SEM1: variants seen among roughly 807,000 people sequenced by gnomAD.
SEM1 encodes SEM1 26S proteasome subunit.
Under a neutral mutation model 12.7 loss-of-function variants are expected in SEM1, and 3 were observed. The observed-to-expected ratio is 0.24, with a 90% CI of 0.11 to 0.61. The LOEUF (loss-of-function observed/expected upper bound fraction) is 0.61, where lower values mean the gene tolerates loss of function less well. Among genes scored for constraint, SEM1 ranks in the 20% least tolerant of loss-of-function variants. SEM1 has a pLI of 0.88. For missense variants in SEM1, 59 were observed against 81.3 expected, an observed-to-expected ratio of 0.73 and a Z score of 1.06; for synonymous variants, 30 against 27.8, an observed-to-expected ratio of 1.08 and a Z score of -0.25.
chr7:96,543,446 T>C (rs956746681), intron 2 of SEM1, among the ~76,000 whole-genome samples: 1 of 151,894 alleles, frequency 6.6e-6, no homozygotes, highest in Non-Finnish European at 1.5e-5. Context: ...TGCTAACAGA[T>C]AAAGAAATAT....
intron 2 of SEM1, among the ~76,000 whole-genome samples, chr7:96,595,262 C>T (rs1189987319): frequency 6.6e-6 from 1 of 152,044 alleles, no homozygotes; most frequent in Non-Finnish European, 1.5e-5. Flanking sequence ...CCTGTAATCC[C>T]AGCACTTTAG....
intron 1 of SEM1, chr7:96,696,020 ATAG>A (rs1311881562): frequency 6.6e-6 from 1 of 152,022 alleles, no homozygotes; most frequent in Non-Finnish European, 1.5e-5. Flanking sequence ...TGTTATTTCA[ATAG>A]TTATTAAGTG....
intron 1 of SEM1, among the ~76,000 whole-genome samples, chr7:96,493,726 C>A (rs1803123149): frequency 6.6e-6 from 1 of 152,166 alleles, no homozygotes; most frequent in African/African-American, 2.4e-5. Context: ...TCCCTCTCAT[C>A]TGTGCAACAC....
intron 2 of SEM1, among the ~76,000 whole-genome samples, chr7:96,617,355 G>T (rs896434775): frequency 8.6e-5 from 13 of 151,990 alleles, no homozygotes; most frequent in African/African-American, 3.1e-4. Context: ...CTAGATCATT[G>T]TTGTGTAGAA....
chr7:96,627,381 CT>C (rs1480576354), intron 2 of SEM1, among the ~76,000 whole-genome samples: 1 of 151,482 alleles, frequency 6.6e-6, no homozygotes. Flanking sequence ...AGTTTTTCTT[CT>C]TCTTTGATGC....
intron 2 of SEM1, among the ~76,000 whole-genome samples, chr7:96,656,958 C>T (rs1022218292): frequency 6.6e-6 from 1 of 151,720 alleles, no homozygotes; most frequent in Non-Finnish European, 1.5e-5. Context: ...GTAGCTGTGA[C>T]TGTTAAAATG....
At chr7:96,685,816 A>G (rs1271815709), downstream of SEM1, among the ~76,000 whole-genome samples, 1 of 151,528 alleles carries the variant, frequency 6.6e-6, no homozygotes, top group Non-Finnish European at 1.5e-5. Flanking sequence ...ATTGATTACC[A>G]CCACTATATT....
chr7:96,632,658 G>A (rs566602687), intron 2 of SEM1, among the ~76,000 whole-genome samples: 3 of 151,910 alleles, frequency 2.0e-5, no homozygotes, highest in East Asian at 1.9e-4. Flanking sequence ...CCTATGTAAC[G>A]AACCTGCACA....
chr7:96,707,736 C>T (rs1790513896), intron 1 of SEM1, among the ~76,000 whole-genome samples: 2 of 152,132 alleles, frequency 1.3e-5, no homozygotes, highest in Non-Finnish European at 2.9e-5. Context: ...ACAAACTACA[C>T]TCGCAAAAGC....
intron 2 of SEM1, among the ~76,000 whole-genome samples, chr7:96,692,931 A>C (rs1485532770): frequency 6.6e-6 from 1 of 152,136 alleles, no homozygotes; most frequent in Non-Finnish European, 1.5e-5. Context: ...CAAAAGATGT[A>C]GTCAAAAATC....
chr7:96,627,634 C>G (rs1808115011), intron 2 of SEM1, among the ~76,000 whole-genome samples: 1 of 152,068 alleles, frequency 6.6e-6, no homozygotes, highest in South Asian at 2.1e-4. Context: ...AGAGAAGATG[C>G]TTGATATGAT....
chr7:96,562,345 G>T (rs1009765310), intron 2 of SEM1, among the ~76,000 whole-genome samples: 1 of 152,128 alleles, frequency 6.6e-6, no homozygotes. Flanking sequence ...TTAATATTTT[G>T]TGACTGTCTA....
intron 2 of SEM1, among the ~76,000 whole-genome samples, chr7:96,648,568 G>A (rs1398020499): frequency 1.3e-5 from 2 of 152,122 alleles, no homozygotes; most frequent in Non-Finnish European, 2.9e-5. Context: ...TATAGAAATC[G>A]CTATATATTT....
At chr7:96,519,540 AGGAAGAG>A (rs942636668) in intron 2 of SEM1, among the ~76,000 whole-genome samples, 1 of 152,064 alleles carries the variant, frequency 6.6e-6, no homozygotes, top group Non-Finnish European at 1.5e-5. Flanking sequence ...GTTGGTGATG[AGGAAGAG>A]GGATCACTGA....
chr7:96,625,906 TA>T (rs1808046626), intron 2 of SEM1, among the ~76,000 whole-genome samples: 1 of 152,172 alleles, frequency 6.6e-6, no homozygotes, highest in East Asian at 1.9e-4. Context: ...AATATGTGTA[TA>T]TGTTTATGGA....
At chr7:96,628,646 T>A (rs190883010) in intron 2 of SEM1, among the ~76,000 whole-genome samples, 18 of 152,326 alleles carry the variant, frequency 1.2e-4, no homozygotes, top group Non-Finnish European at 1.8e-4. Flanking sequence ...CATCTTTTCA[T>A]CTTTCTACTT....
At chr7:96,518,609 A>G (rs558548168) in intron 2 of SEM1, among the ~76,000 whole-genome samples, 43 of 152,220 alleles carry the variant, frequency 2.8e-4, no homozygotes, top group Middle Eastern at 3.4e-3. Context: ...CTGAATTTAT[A>G]TTCATCACGC....
intron 2 of SEM1, among the ~76,000 whole-genome samples, chr7:96,532,240 T>G (rs996212594): frequency 6.6e-6 from 1 of 152,164 alleles, no homozygotes; most frequent in South Asian, 2.1e-4. Flanking sequence ...AGCCCAAAGT[T>G]CTGTTTTTAT....
In SEM1 at chr7:96,624,483, T is replaced by C. The variant is rs192544935; in HGVS notation, c.171-1840A>G. Among the ~76,000 whole-genome samples, 640 of 152,304 alleles carry C rather than the reference T, an allele frequency of 4.2e-3. 4 individuals are homozygous for C. The highest frequency in any genetic ancestry group is 6.8e-3 in the Non-Finnish European group (465 of 68,026). ...GCATCCCACCAGGCTTGACTTTGAA[T>C]AGCTGTGGGATCTCAGGTCAGTTAC... On this transcript the variant is annotated intron_variant, in intron 2 of 2. Coordinates refer to the SEM1 transcript ENST00000417009.
Sources: gnomAD v4.1 joint callset for allele counts (sites outside exome capture counted in the v4.1 genomes callset) on GRCh38, gnomAD v4.1.1 for gene constraint, MANE v1.5 for transcripts, NCBI Gene and HGNC (gene_info 2026-07-23, HGNC 2026-07-21) for gene names.